The following ARL15 variants were observed in gnomAD, a reference collection of about 807,000 sequenced individuals.
The protein encoded by ARL15 is ADP-ribosylation factor-like protein 15.
A neutral mutation model predicts 25.2 loss-of-function variants in ARL15; 19 were observed. The ratio of observed to expected loss-of-function variants is 0.75; its 90% CI spans 0.53 to 1.10. The LOEUF (loss-of-function observed/expected upper bound fraction) is 1.10. Among genes scored for constraint, ARL15 ranks in the 50% least tolerant of loss-of-function variants. ARL15 has a pLI of 0.00. For synonymous variants in ARL15, 94 were observed against 86.8 expected, an observed-to-expected ratio of 1.08 and a Z score of -0.46; for missense variants, 220 against 246.0, an observed-to-expected ratio of 0.89 and a Z score of 0.71.
At chr5:53,942,941 C>G (rs999120860) in intron 4 of ARL15, among the ~76,000 whole-genome samples, 1 of 151,896 alleles carries the variant, frequency 6.6e-6, no homozygotes. Flanking sequence ...CTGTGGATTG[C>G]GTAGTAGTTG....
intron 3 of ARL15, among the ~76,000 whole-genome samples, chr5:54,122,148 T>A (rs897865153): frequency 2.0e-5 from 3 of 152,232 alleles, no homozygotes; most frequent in Admixed American, 2.0e-4. Flanking sequence ...CTTTTTCTGT[T>A]CAACTAACTT....
At chr5:54,015,663 A>G (rs888462333) in intron 4 of ARL15, among the ~76,000 whole-genome samples, 37 of 152,202 alleles carry the variant, frequency 2.4e-4, no homozygotes, top group African/African-American at 8.9e-4. Context: ...AATTATGTCA[A>G]TAATCTTTCT....
At chr5:54,234,851 T>A (rs1756761919) in intron 1 of ARL15, among the ~76,000 whole-genome samples, 1 of 152,184 alleles carries the variant, frequency 6.6e-6, no homozygotes, top group African/African-American at 2.4e-5. Flanking sequence ...TAATAATATA[T>A]GAGCATAGGG....
intron 4 of ARL15, among the ~76,000 whole-genome samples, chr5:54,019,088 AATTT>A: frequency 6.6e-6 from 1 of 152,110 alleles, no homozygotes; most frequent in South Asian, 2.1e-4. Context: ...TATGTATGTT[AATTT>A]ATTTATAAAA....
chr5:54,011,817 T>C (rs963527374), intron 4 of ARL15, among the ~76,000 whole-genome samples: 3 of 152,120 alleles, frequency 2.0e-5, no homozygotes, highest in Admixed American at 2.0e-4. Flanking sequence ...AAGACCATCC[T>C]GGCCAACATG....
chr5:54,025,524 C>T (rs1041581911), intron 4 of ARL15, among the ~76,000 whole-genome samples: 4 of 152,068 alleles, frequency 2.6e-5, no homozygotes, highest in Admixed American at 6.6e-5. Flanking sequence ...ATTTAAAAAT[C>T]GGAAAGTGCT....
chr5:54,026,650 T>G (rs2111868367), intron 4 of ARL15, among the ~76,000 whole-genome samples: 1 of 152,276 alleles, frequency 6.6e-6, no homozygotes, highest in South Asian at 2.1e-4. Flanking sequence ...GGAGTAAAAT[T>G]CCTAATCTAG....
At chr5:54,133,264 G>T (rs1044348554) in intron 3 of ARL15, among the ~76,000 whole-genome samples, 3 of 152,152 alleles carry the variant, frequency 2.0e-5, no homozygotes, top group Non-Finnish European at 4.4e-5. Context: ...GATACTGAAG[G>T]TTAAATTATT....
At chr5:54,213,455 C>T (rs1038495305) in intron 1 of ARL15, among the ~76,000 whole-genome samples, 5 of 152,258 alleles carry the variant, frequency 3.3e-5, no homozygotes, top group Admixed American at 6.5e-5. Flanking sequence ...CTCAAATAAC[C>T]GCCCTTTTAA....
At chr5:53,955,950 G>A (rs1243199497) in intron 4 of ARL15, among the ~76,000 whole-genome samples, 1 of 152,154 alleles carries the variant, frequency 6.6e-6, no homozygotes, top group African/African-American at 2.4e-5. Flanking sequence ...TGAGGCATAC[G>A]AGTCCCAAAA....
chr5:54,160,666 G>C (rs534319480), intron 2 of ARL15, among the ~76,000 whole-genome samples: 2 of 152,248 alleles, frequency 1.3e-5, no homozygotes, highest in Admixed American at 1.3e-4. Context: ...CTCTCTGGAG[G>C]ATTTCTTGGC....
intron 2 of ARL15, 119 bp downstream of exon 2, chr5:54,171,665 T>G (rs950716520): frequency 1.6e-6 from 2 of 1,214,872 alleles, no homozygotes; most frequent in African/African-American, 3.1e-5. Flanking sequence ...TGTTTAAAAT[T>G]AAAATAAACT....
chr5:54,056,997 G>C (rs1049789051), intron 4 of ARL15, among the ~76,000 whole-genome samples: 15 of 150,718 alleles, frequency 1.0e-4, no homozygotes, highest in Admixed American at 8.6e-4. Context: ...TACGAACATA[G>C]AATAATGCAA....
chr5:53,933,628 G>C (rs1230600280), intron 4 of ARL15, among the ~76,000 whole-genome samples: 1 of 119,808 alleles, frequency 8.3e-6, no homozygotes, highest in Non-Finnish European at 1.6e-5. Flanking sequence ...CTGGGCGACA[G>C]AGCGAGACTG....
At chr5:54,154,205 A>C (rs974898450) in intron 3 of ARL15, among the ~76,000 whole-genome samples, 1 of 152,356 alleles carries the variant, frequency 6.6e-6, no homozygotes, top group Non-Finnish European at 1.5e-5. Context: ...TAAAACCTGC[A>C]GTATAAACAC....
At chr5:54,069,243 G>T (rs1031676352) in intron 4 of ARL15, among the ~76,000 whole-genome samples, 5 of 151,924 alleles carry the variant, frequency 3.3e-5, no homozygotes, top group African/African-American at 1.2e-4. Flanking sequence ...ATGTACTATG[G>T]TTTGAATCTT....
intron 4 of ARL15, among the ~76,000 whole-genome samples, chr5:53,908,668 C>G (rs949736807): frequency 1.3e-5 from 2 of 152,130 alleles, no homozygotes; most frequent in African/African-American, 4.8e-5. Context: ...AGGGGTGATC[C>G]ACTTGTATTC....
intron 1 of ARL15, among the ~76,000 whole-genome samples, chr5:54,236,487 C>T (rs1756813189): frequency 6.6e-6 from 1 of 151,966 alleles, no homozygotes; most frequent in Non-Finnish European, 1.5e-5. Context: ...AAGGAGCATA[C>T]TCATCCAATT....
intron 4 of ARL15, among the ~76,000 whole-genome samples, chr5:54,035,064 C>G (rs117546565): frequency 2.0e-5 from 3 of 151,958 alleles, no homozygotes; most frequent in Non-Finnish European, 4.4e-5. Flanking sequence ...TGGCTGAGAA[C>G]ATAGGCAAGA....
Sources: gnomAD v4.1 joint callset for allele counts (sites outside exome capture counted in the v4.1 genomes callset) on GRCh38, gnomAD v4.1.1 for gene constraint, MANE v1.5 for transcripts, NCBI Gene and HGNC (gene_info 2026-07-23, HGNC 2026-07-21) for gene names.